The following CCDC102B variants were observed in gnomAD, a reference collection of about 807,000 sequenced individuals.
CCDC102B encodes coiled-coil domain containing 102B.
Under a neutral mutation model 57.4 loss-of-function variants are expected in CCDC102B, and 75 were observed. The observed-to-expected ratio is 1.31, with a 90% CI of 1.08 to 1.58. CCDC102B has a LOEUF of 1.58. CCDC102B is among the 40% of genes most tolerant of loss of function. The pLI, the probability that CCDC102B is intolerant of heterozygous loss-of-function variation, is 0.00. For synonymous variants in CCDC102B, 206 were observed against 201.9 expected (o/e 1.02, Z -0.17); for missense variants, 636 against 582.6 (o/e 1.09, Z -0.94).
intron 6 of CCDC102B, among the ~76,000 whole-genome samples, chr18:68,926,286 TATA>T (rs1196778770): frequency 2.6e-5 from 4 of 152,010 alleles, no homozygotes; most frequent in South Asian, 2.1e-4. Context: ...TTTAATCAAA[TATA>T]ATCTCAATAT....
At chr18:68,938,986 G>A (rs1373811408) in intron 6 of CCDC102B, among the ~76,000 whole-genome samples, 2 of 151,628 alleles carry the variant, frequency 1.3e-5, no homozygotes, top group Admixed American at 6.6e-5. Context: ...AAAATCTTTT[G>A]AAATAGATAA....
At position 68,982,222 on chromosome 18, in the gene CCDC102B, T is replaced by C. The variant is rs567256749; in HGVS notation, c.1264-28712T>C. On this transcript the variant is annotated intron_variant, in intron 6 of 7. Transcript: ENST00000360242. ...AAAACTTTCAAAAGTTTTGTCTTCATTCATTCCTAACAGTGTAAAAAAAAC... is the reference window on the plus strand; with the variant it reads ...AAAACTTTCAAAAGTTTTGTCTTCACTCATTCCTAACAGTGTAAAAAAAAC... Among the ~76,000 whole-genome samples the C allele has an allele frequency of 7.3e-5, 11 of 151,312 alleles. No homozygotes were observed. In the South Asian group the frequency reaches 2.3e-3, roughly 31 times the overall value.
intron 2 of CCDC102B, among the ~76,000 whole-genome samples, chr18:68,768,327 G>C (rs998714441): frequency 9.9e-5 from 15 of 152,214 alleles, no homozygotes; most frequent in African/African-American, 3.6e-4. Context: ...TATTCTGCCA[G>C]AGGATACTCT....
intron 7 of CCDC102B, among the ~76,000 whole-genome samples, chr18:69,024,804 A>G (rs2051940414): frequency 6.6e-6 from 1 of 152,022 alleles, no homozygotes; most frequent in African/African-American, 2.4e-5. Flanking sequence ...ATGTCTAAGT[A>G]TTTGTTTTTT....
chr18:68,765,317 G>A lies in CCDC102B; in HGVS notation c.-67+48723G>A, dbSNP rs1197391945. Among the ~76,000 whole-genome samples the A allele has an allele frequency of 1.0e-3, 46 of 45,676 alleles. 1 individual carries two copies. Among genetic ancestry groups the A allele is most frequent in the African/African-American group, 3.0e-3 (39 of 12,894 alleles). 30.0% of individuals were successfully genotyped at this position (45,676 alleles called of 152,430 possible). A position where few individuals can be genotyped will look rare whatever the true frequency, so the allele number is the denominator to read the frequency against. On this transcript the variant is annotated intron_variant, in intron 2 of 3. Coordinates refer to the CCDC102B transcript ENST00000578970. ...GAAAGGAAGGAAGGAAGGAAGGAAG[G>A]AAGGAAGGAAAGAAAGAAAGAAAGA...
At position 69,018,290 on chromosome 18, in the gene CCDC102B, A is replaced by G. The variant is rs552119295; in HGVS notation, c.1434+7186A>G. ...ACATGCACCTATATGTATAGTTTGT[A>G]TAAATTGCAGGATCATATGGCAGGT... On this transcript the variant is annotated intron_variant, in intron 7 of 7. Coordinates refer to ENST00000360242, the MANE Select transcript of CCDC102B (RefSeq NM_024781.3). 2.6e-4 allele frequency among the ~76,000 whole-genome samples: 39 copies of G among 152,362 alleles called. 1 individual carries two copies. The Middle Eastern group carries it at 0.017, about 66-fold the overall frequency.
chr18:68,869,377 C>G (rs1295064494), intron 4 of CCDC102B, among the ~76,000 whole-genome samples: 2 of 152,124 alleles, frequency 1.3e-5, no homozygotes, highest in Non-Finnish European at 2.9e-5. Context: ...AGTCTTTGAA[C>G]AAGGGCATTG....
At chr18:68,951,176 A>G (rs1044461275) in intron 6 of CCDC102B, among the ~76,000 whole-genome samples, 2 of 152,124 alleles carry the variant, frequency 1.3e-5, no homozygotes, top group Non-Finnish European at 2.9e-5. Flanking sequence ...GAATTTAAAT[A>G]AACACAGATG....
At chr18:68,789,448 C>G (rs1024182711) in intron 2 of CCDC102B, among the ~76,000 whole-genome samples, 2 of 152,154 alleles carry the variant, frequency 1.3e-5, no homozygotes, top group African/African-American at 2.4e-5. Flanking sequence ...TTCATTCTCC[C>G]CATCGCTTTC....
intron 7 of CCDC102B, among the ~76,000 whole-genome samples, chr18:69,035,744 C>T (rs563586009): frequency 5.3e-5 from 8 of 152,092 alleles, no homozygotes; most frequent in Admixed American, 2.0e-4. Flanking sequence ...ATTTCACTTC[C>T]AATTATAAAT....
intron 2 of CCDC102B, among the ~76,000 whole-genome samples, chr18:68,791,130 T>G (rs2035444327): frequency 1.3e-5 from 2 of 152,200 alleles, no homozygotes; most frequent in Non-Finnish European, 1.5e-5. Context: ...TTCAGGACAA[T>G]TATGCATTGA....
chr18:69,027,689 G>A (rs568408334), intron 7 of CCDC102B, among the ~76,000 whole-genome samples: 1 of 151,312 alleles, frequency 6.6e-6, no homozygotes, highest in South Asian at 2.1e-4. Flanking sequence ...AAAGTTTCAG[G>A]CAAACCAGAA....
At chr18:68,722,390 C>T (rs762593818) in intron 2 of CCDC102B, among the ~76,000 whole-genome samples, 16 of 152,208 alleles carry the variant, frequency 1.1e-4, no homozygotes, top group Non-Finnish European at 1.9e-4. Context: ...TGACCTCCAT[C>T]TGGGATGCTC....
intron 2 of CCDC102B, among the ~76,000 whole-genome samples, chr18:68,739,306 C>G (rs2033283916): frequency 6.6e-6 from 1 of 152,170 alleles, no homozygotes; most frequent in Non-Finnish European, 1.5e-5. Flanking sequence ...AGCCAGCTAC[C>G]ATTTGTTTTT....
chr18:68,940,409 A>G (rs941068623), intron 6 of CCDC102B, among the ~76,000 whole-genome samples: 2 of 151,794 alleles, frequency 1.3e-5, no homozygotes, highest in African/African-American at 4.8e-5. Flanking sequence ...AGATAACTCC[A>G]TCTTTATGCA....
chr18:68,963,319 C>T (rs192413730), intron 6 of CCDC102B, among the ~76,000 whole-genome samples: 24 of 151,994 alleles, frequency 1.6e-4, no homozygotes, highest in African/African-American at 5.5e-4. Flanking sequence ...AAAGGCAATA[C>T]ATGGATTGGA....
rs1414032203 is a variant in CCDC102B, at chr18:68,810,693, T to A, written c.-16+12512T>A. ...TTTCTTTTCTTTGTTTTTTTTTTTT[T>A]TTTTTTTTTTTTTTATGCTTTAAGT... On this transcript the variant is annotated intron_variant, in intron 1 of 7. Transcript: ENST00000360242. Among the ~76,000 whole-genome samples the A allele has an allele frequency of 2.2e-3, 307 of 139,360 alleles. 6 individuals are homozygous for A. The highest frequency in any genetic ancestry group is 8.8e-3 in the African/African-American group (299 of 34,126). The allele number at this position is 139,360 out of a possible 152,430, so 91.4% of individuals were successfully genotyped here. A position where few individuals can be genotyped will look rare whatever the true frequency, so the allele number is the denominator to read the frequency against.
chr18:68,755,523 G>T (rs1395152299), intron 2 of CCDC102B, among the ~76,000 whole-genome samples: 2 of 152,112 alleles, frequency 1.3e-5, no homozygotes, highest in Admixed American at 6.6e-5. Context: ...ATAGAATAGG[G>T]ATTTTTATAT....
chr18:68,918,822 C>T (rs1317127610), intron 6 of CCDC102B, among the ~76,000 whole-genome samples: 3 of 152,054 alleles, frequency 2.0e-5, no homozygotes, highest in African/African-American at 7.2e-5. Context: ...TCTTCACAAG[C>T]AGTAATTCTT....
Sources: gnomAD v4.1 joint callset for allele counts (sites outside exome capture counted in the v4.1 genomes callset) on GRCh38, gnomAD v4.1.1 for gene constraint, MANE v1.5 for transcripts, NCBI Gene and HGNC (gene_info 2026-07-23, HGNC 2026-07-21) for gene names.